Variants in TSPAN17 observed in about 807,000 individuals in gnomAD.
TSPAN17 encodes tetraspanin 17, also known as tetraspanin-17.
A neutral mutation model predicts 40.5 loss-of-function variants in TSPAN17; 33 were observed. The ratio of observed to expected loss-of-function variants is 0.81; its 90% CI spans 0.62 to 1.09. The LOEUF (loss-of-function observed/expected upper bound fraction) is 1.09. Ranked by LOEUF, TSPAN17 falls within the 50% of genes least tolerant of loss-of-function variation. TSPAN17 has a pLI of 0.00. For missense variants in TSPAN17, 365 were observed against 416.8 expected, an observed-to-expected ratio of 0.88 and a Z score of 1.08; for synonymous variants, 166 against 169.4, an observed-to-expected ratio of 0.98 and a Z score of 0.15.
chr5:176,652,385 C>T (rs1761001972), intron 3 of TSPAN17, among the ~76,000 whole-genome samples: 1 of 152,146 alleles, frequency 6.6e-6, no homozygotes, highest in Non-Finnish European at 1.5e-5. Context: ...CCCTGGAGGC[C>T]GAGGGAGGCA....
Position 176,651,969 on chromosome 5 carries a change from G to A in TSPAN17, c.285+69G>A. ...CCATCCAGTTCTTGCAATACAGTTG[G>A]AGCTTAATGATGGGTAGCTTTATTA... On this transcript the variant is annotated intron_variant, in intron 3 of 8. Coordinates refer to ENST00000508164, the MANE Select transcript of TSPAN17 (RefSeq NM_130465.5). The surrounding 1 kb of genome is among the most constrained non-coding windows in gnomAD (Gnocchi z 4.5). 1.3e-6 allele frequency: 2 copies of A among 1,581,366 alleles called. No homozygotes were observed. The highest frequency in any genetic ancestry group is 1.7e-6 in the Non-Finnish European group (2 of 1,161,012).
chr5:176,647,623 G>T lies in TSPAN17; in HGVS notation c.8G>T (p.Gly3Val). The change falls in exon 1 of 9, where the codon GGC becomes GTC. Residue 3 changes from glycine (G) to valine (V), a missense_variant. Physicochemically the swap from Gly to Val is moderately radical, Grantham distance 109. Coordinates refer to ENST00000508164, the MANE Select transcript of TSPAN17 (RefSeq NM_130465.5). MPGKHQHFQEPEV... is the reference protein window; with the variant it reads MPVKHQHFQEPEV... ...GGCGGGTGGCCGCTCACCATGCCCG[G>T]CAAGCACCAGCATTTCCAGGAACCT... 1 of 1,578,046 alleles carries T rather than the reference G, an allele frequency of 6.3e-7. No homozygotes were observed.
At position 176,658,287 on chromosome 5, in the gene TSPAN17, GGGTTC is replaced by G. The variant is rs1181532332; in HGVS notation, c.*592_*596del. ...CCTGTGCCTGCCTACTAGCGCTCTG[GGGTTC>G]GGAGAGTTTGGGAATTTCTCAGAGC... On this transcript the variant is annotated 3_prime_UTR_variant, in exon 9 of 9. Coordinates refer to ENST00000508164, the MANE Select transcript of TSPAN17 (RefSeq NM_130465.5). The G allele has an allele frequency of 1.1e-4, 17 of 152,438 alleles. No individual in the cohort carries two copies. The highest frequency in any genetic ancestry group is 8.8e-5 in the Non-Finnish European group (6 of 68,124). 9.4% of individuals were successfully genotyped at this position (152,438 alleles called of 1,614,324 possible).
chr5:176,656,096 C>T lies in TSPAN17; in HGVS notation c.601C>T (p.Gln201Ter). The T allele has an allele frequency of 6.2e-7, 1 of 1,614,140 alleles. No homozygotes were observed. The highest frequency in any genetic ancestry group is 8.5e-7 in the Non-Finnish European group (1 of 1,180,014). The change falls in exon 6 of 9, where the codon CAG (glutamine) becomes TAG (stop). Residue 201 changes from glutamine (Q) to a stop codon, truncating the protein, a stop_gained. Coordinates refer to ENST00000508164, the MANE Select transcript of TSPAN17 (RefSeq NM_130465.5). LOFTEE classifies it high-confidence loss of function. ...RDPAEDVLNT[Q>*]CGYDVRLKLE... is the part of the protein sequence containing the mutation. ...CCCTCAGGAGGATGTCCTCAACACC[C>T]AGTGTGGCTACGACGTCCGGCTCAA...
intron 4 of TSPAN17, 109 bp downstream of exon 4, chr5:176,653,022 C>G (rs546248205): frequency 8.0e-7 from 1 of 1,255,260 alleles, no homozygotes; most frequent in South Asian, 1.3e-5. Context: ...CCTGGGCTAG[C>G]GGGCCCCAGG....
chr5:176,654,628 CA>C lies in TSPAN17; in HGVS notation c.457-266del. On this transcript the variant is annotated intron_variant, in intron 4 of 8. Coordinates refer to ENST00000508164, the MANE Select transcript of TSPAN17 (RefSeq NM_130465.5). This position sits in a 1 kb window ranked among gnomAD's most constrained non-coding sequence, Gnocchi z 4.3. Reference sequence around the variant, plus strand: ...CTGGAGGAAGCCACAGTCATTGAACCAGTATCCTTGTCCCACTCCCTCCCTT... The same window carrying C: ...CTGGAGGAAGCCACAGTCATTGAACCGTATCCTTGTCCCACTCCCTCCCTT... The C allele has an allele frequency of 2.2e-6, 1 of 460,234 alleles. No individual in the cohort carries two copies. Among genetic ancestry groups the C allele is most frequent in the East Asian group, 4.1e-5 (1 of 24,446 alleles). The allele number at this position is 460,234 out of a possible 1,614,324, so 28.5% of individuals were successfully genotyped here.
intron 8 of TSPAN17, 98 bp from the exon 9 acceptor site, chr5:176,657,420 G>A (rs912100155): frequency 3.9e-5 from 60 of 1,526,552 alleles, no homozygotes; most frequent in Middle Eastern, 3.8e-4. Flanking sequence ...TCTTTTCTAT[G>A]AGCTGTAACT....
Position 176,652,849 on chromosome 5 carries a change from A to G in TSPAN17, c.392A>G (p.Asn131Ser), listed in dbSNP as rs1358013579. ...GACCAGCTCAACCTCTTCATCAACAACAACGTCAAGGCCTACCGGGACGAC... is the reference window on the plus strand; with the variant it reads ...GACCAGCTCAACCTCTTCATCAACAGCAACGTCAAGGCCTACCGGGACGAC... ...IRDQLNLFINNNVKAYRDDID... is the reference protein window; with the variant it reads ...IRDQLNLFINSNVKAYRDDID... Residue 131 changes from asparagine to serine, a missense_variant, in exon 4 of 9, where the codon AAC becomes AGC. Asn to Ser is a conservative substitution (Grantham distance 46). Coordinates refer to ENST00000508164, the MANE Select transcript of TSPAN17 (RefSeq NM_130465.5). The G allele has an allele frequency of 2.5e-6, 4 of 1,613,984 alleles. No homozygotes were observed. In the African/African-American group the frequency reaches 5.3e-5, roughly 22 times the overall value.
rs578032095 is a variant in TSPAN17, at chr5:176,650,437, G to A, written c.88-1179G>A. ...ATTGGCTGCCTCTGGACCAATCCCC[G>A]GGGCAGGTGAAGGCGGAGCATCCTG... On this transcript the variant is annotated intron_variant, in intron 1 of 8. Transcript: ENST00000508164. This position sits in a 1 kb window ranked among gnomAD's most constrained non-coding sequence, Gnocchi z 4.0. 2.0e-5 allele frequency among the ~76,000 whole-genome samples: 3 copies of A among 152,254 alleles called. No individual in the cohort carries two copies. The highest frequency in any genetic ancestry group is 2.1e-4 in the South Asian group (1 of 4,824).
intron 1 of TSPAN17, 135 bp downstream of exon 1, chr5:176,647,837 A>G: frequency 1.2e-6 from 1 of 818,768 alleles, no homozygotes; most frequent in African/African-American, 1.8e-5. Context: ...TGCCACACCC[A>G]CGCCCACTTC....
In TSPAN17 at chr5:176,650,405, G is replaced by A. The variant is rs965875361; in HGVS notation, c.88-1211G>A. Among the ~76,000 whole-genome samples the A allele has an allele frequency of 6.6e-6, 1 of 152,104 alleles. No homozygotes were observed. Among genetic ancestry groups the A allele is most frequent in the Admixed American group, 6.5e-5 (1 of 15,272 alleles). On this transcript the variant is annotated intron_variant, in intron 1 of 8. Coordinates refer to ENST00000508164, the MANE Select transcript of TSPAN17 (RefSeq NM_130465.5). The surrounding 1 kb of genome is among the most constrained non-coding windows in gnomAD (Gnocchi z 4.0). ...CAAAGTGCTTTAATTGTATTTCCTT[G>A]GCTCTGATTGGCTGCCTCTGGACCA...
intron 1 of TSPAN17, among the ~76,000 whole-genome samples, chr5:176,649,503 C>T (rs1332416634): frequency 2.6e-5 from 4 of 151,950 alleles, no homozygotes; most frequent in Non-Finnish European, 5.9e-5. Context: ...TCTCGGTTCA[C>T]TGCAACCTCC....
chr5:176,650,037 C>T lies in TSPAN17; in HGVS notation c.88-1579C>T, dbSNP rs1760905656. ...CTGTTTGCATCTGAGGTTTCCTTGT[C>T]TGCTCACTGACTGTCCATCTCCCCT... is the stretch of plus-strand genomic sequence containing the variant. On this transcript the variant is annotated intron_variant, in intron 1 of 8. Coordinates refer to ENST00000508164, the MANE Select transcript of TSPAN17 (RefSeq NM_130465.5). The surrounding 1 kb of genome is among the most constrained non-coding windows in gnomAD (Gnocchi z 4.0). Among the ~76,000 whole-genome samples the T allele has an allele frequency of 6.6e-6, 1 of 152,224 alleles. No individual in the cohort carries two copies. The highest frequency in any genetic ancestry group is 1.5e-5 in the Non-Finnish European group (1 of 68,042).
At chr5:176,647,735 G>T (rs748793459) in intron 1 of TSPAN17, 33 bp downstream of exon 1, 2 of 1,534,448 alleles carry the variant, frequency 1.3e-6, no homozygotes, top group African/African-American at 1.4e-5. Flanking sequence ...GCCCTGTGCT[G>T]GGGGGTGGTG....
chr5:176,655,054 T>G (rs1221061684), intron 5 of TSPAN17, 34 bp downstream of exon 5: 8 of 1,576,588 alleles, frequency 5.1e-6, no homozygotes, highest in Non-Finnish European at 5.2e-6. Context: ...GGTAAGGGAC[T>G]TTCCAGTGCA....
chr5:176,654,871 T>G lies in TSPAN17; in HGVS notation c.457-24T>G, dbSNP rs1478440628. 2.5e-6 allele frequency: 4 copies of G among 1,612,266 alleles called. No homozygotes were observed. The African/African-American group carries it at 5.3e-5, about 22-fold the overall frequency. On this transcript the variant is annotated intron_variant, in intron 4 of 8. Transcript: ENST00000508164. This position sits in a 1 kb window ranked among gnomAD's most constrained non-coding sequence, Gnocchi z 4.3. ...GCTCCTGGGATGGGCCTGGCTCACC[T>G]GGGGCTCTCCCCTGCCCCCACAGTG...
intron 6 of TSPAN17, 88 bp from the exon 7 acceptor site, chr5:176,656,612 C>G (rs1307531462): frequency 7.4e-7 from 1 of 1,344,208 alleles, no homozygotes; most frequent in Admixed American, 1.7e-5. Flanking sequence ...GGTTTAGACC[C>G]TGGGGTGGGC....
In TSPAN17 at chr5:176,650,465, A is replaced by C. The variant is rs1240702840; in HGVS notation, c.88-1151A>C. Among the ~76,000 whole-genome samples the C allele has an allele frequency of 6.6e-6, 1 of 152,032 alleles. No homozygotes were observed. Among genetic ancestry groups the C allele is most frequent in the Non-Finnish European group, 1.5e-5 (1 of 68,002 alleles). ...GCAGGTGAAGGCGGAGCATCCTGGG[A>C]AGGAGCTCGGGGAGGAATGGGGTTG... On this transcript the variant is annotated intron_variant, in intron 1 of 8. Transcript: ENST00000508164. This position sits in a 1 kb window ranked among gnomAD's most constrained non-coding sequence, Gnocchi z 4.0.
In TSPAN17 at chr5:176,654,398, A is replaced by G. The variant is rs1385317000; in HGVS notation, c.457-497A>G. The G allele has an allele frequency of 6.0e-6, 1 of 165,440 alleles. No homozygotes were observed. Among genetic ancestry groups the G allele is most frequent in the African/African-American group, 2.4e-5 (1 of 41,590 alleles). 10.2% of individuals were successfully genotyped at this position (165,440 alleles called of 1,614,324 possible). A position where few individuals can be genotyped will look rare whatever the true frequency, so the allele number is the denominator to read the frequency against. ...GCTTAGGGTGTTCTGGGTGGGGGTG[A>G]TGGGGTGTGGGATGATGCCAGCCGG... On this transcript the variant is annotated intron_variant, in intron 4 of 8. Transcript: ENST00000508164. The surrounding 1 kb of genome is among the most constrained non-coding windows in gnomAD (Gnocchi z 4.3).
Sources: gnomAD v4.1 joint callset for allele counts (sites outside exome capture counted in the v4.1 genomes callset) on GRCh38, gnomAD v4.1.1 for gene constraint, Gnocchi (gnomAD v3.1) non-coding constraint, MANE v1.5 for transcripts, NCBI Gene and HGNC (gene_info 2026-07-23, HGNC 2026-07-21) for gene names.